DRD3: variants seen among roughly 807,000 people sequenced by gnomAD.
DRD3 encodes the protein D(3) dopamine receptor.
Under a neutral mutation model 36.3 loss-of-function variants are expected in DRD3, and 19 were observed. The ratio of observed to expected loss-of-function variants is 0.52; its 90% CI spans 0.36 to 0.77. The LOEUF (loss-of-function observed/expected upper bound fraction) is 0.77, where lower values mean the gene tolerates loss of function less well. DRD3 is among the 30% of genes least tolerant of loss of function. The pLI, the probability that DRD3 is intolerant of heterozygous loss-of-function variation, is 0.00. For synonymous variants in DRD3, 195 were observed against 203.7 expected, an observed-to-expected ratio of 0.96 and a Z score of 0.36; for missense variants, 465 against 505.3, an observed-to-expected ratio of 0.92 and a Z score of 0.77.
chr3:114,161,615 A>T, intron 2 of DRD3, among the ~76,000 whole-genome samples: 1 of 152,206 alleles, frequency 6.6e-6, no homozygotes, highest in East Asian at 1.9e-4. Context: ...CCAGTTATGG[A>T]TTTACTGTCT....
At chr3:114,177,377 T>C (rs1175802030) in intron 1 of DRD3, among the ~76,000 whole-genome samples, 1 of 152,218 alleles carries the variant, frequency 6.6e-6, no homozygotes, top group Non-Finnish European at 1.5e-5. Flanking sequence ...AAACTATTGC[T>C]GGTTACTGAG....
chr3:114,171,686 C>G, intron 2 of DRD3, 37 bp downstream of exon 2: 2 of 1,514,846 alleles, frequency 1.3e-6, no homozygotes, highest in Non-Finnish European at 1.8e-6. Context: ...AGTACTAGCA[C>G]AGTCATAGAG....
At chr3:114,160,478 A>T (rs75356587) in intron 2 of DRD3, among the ~76,000 whole-genome samples, 1,562 of 152,266 alleles carry the variant, frequency 0.01, 23 homozygotes, top group African/African-American at 0.036. Flanking sequence ...TTGAAATTCA[A>T]ACTCAGGAGG....
At chr3:114,138,796 A>T (rs1577585108) in intron 5 of DRD3, among the ~76,000 whole-genome samples, 1 of 152,152 alleles carries the variant, frequency 6.6e-6, no homozygotes, top group Non-Finnish European at 1.5e-5. Flanking sequence ...GCTTTTCTAG[A>T]TTCTAAGCTC....
rs866628456 is a variant in DRD3, at chr3:114,156,789, T to C, written c.383+2966A>G. ...TTTCTTTCTTTCTTTCTTTCTTTCT[T>C]TCTTTCTTTCTCTTTTCTTTTTCTT... On this transcript the variant is annotated intron_variant, in intron 3 of 6. Coordinates refer to ENST00000383673, the MANE Select transcript of DRD3 (RefSeq NM_000796.6). Among the ~76,000 whole-genome samples the C allele has an allele frequency of 1.1e-3, 146 of 135,556 alleles. 2 individuals are homozygous for C. The highest frequency in any genetic ancestry group is 3.8e-3 in the African/African-American group (137 of 35,764). The allele number at this position is 135,556 out of a possible 152,430, so 88.9% of individuals were successfully genotyped here.
intron 4 of DRD3, among the ~76,000 whole-genome samples, chr3:114,144,056 A>G (rs1408965387): frequency 1.1e-4 from 16 of 152,212 alleles, no homozygotes; most frequent in Admixed American, 1.0e-3. Context: ...TGATGATGTG[A>G]TATTTGCCTA....
chr3:114,196,851 A>G (rs969407312), intron 1 of DRD3, among the ~76,000 whole-genome samples: 2 of 152,072 alleles, frequency 1.3e-5, no homozygotes, highest in African/African-American at 4.8e-5. Context: ...TTGAGTTTTG[A>G]GAGTCCATTA....
At chr3:114,144,416 G>A (rs933418630) in intron 4 of DRD3, among the ~76,000 whole-genome samples, 7 of 152,170 alleles carry the variant, frequency 4.6e-5, no homozygotes, top group Admixed American at 2.0e-4. Flanking sequence ...TGACTGAGAA[G>A]AGTCCTTTAT....
At chr3:114,162,959 TG>T (rs2077747615) in intron 2 of DRD3, among the ~76,000 whole-genome samples, 1 of 152,216 alleles carries the variant, frequency 6.6e-6, no homozygotes, top group African/African-American at 2.4e-5. Context: ...GTGCTGCCTT[TG>T]GGGTTGGTGA....
At chr3:114,142,910 G>A (rs989269236) in intron 4 of DRD3, among the ~76,000 whole-genome samples, 2 of 152,184 alleles carry the variant, frequency 1.3e-5, no homozygotes, top group African/African-American at 4.8e-5. Flanking sequence ...TGTCCCCATT[G>A]CAGGCAGAGT....
At chr3:114,184,685 C>T (rs1275127956) in intron 1 of DRD3, among the ~76,000 whole-genome samples, 1 of 139,250 alleles carries the variant, frequency 7.2e-6, no homozygotes, top group Non-Finnish European at 1.6e-5. Flanking sequence ...GCTTCAGTCC[C>T]CCAAGTAGCT....
intron 1 of DRD3, among the ~76,000 whole-genome samples, chr3:114,190,331 G>A (rs2077997510): frequency 6.8e-6 from 1 of 146,264 alleles, no homozygotes; most frequent in Non-Finnish European, 1.5e-5. Flanking sequence ...CTATAAGCAT[G>A]TCCTCAGTGA....
chr3:114,143,237 T>C (rs953722036), intron 4 of DRD3, among the ~76,000 whole-genome samples: 2 of 152,188 alleles, frequency 1.3e-5, no homozygotes, highest in African/African-American at 2.4e-5. Context: ...TATAAACACA[T>C]GAGCACTCAC....
chr3:114,152,820 G>C (rs1056631166), intron 3 of DRD3, among the ~76,000 whole-genome samples: 1 of 152,242 alleles, frequency 6.6e-6, no homozygotes, highest in Admixed American at 6.5e-5. Context: ...GACTGCAGGC[G>C]AGGGCCGCGC....
intron 5 of DRD3, among the ~76,000 whole-genome samples, chr3:114,133,931 T>C (rs56087035): frequency 0.061 from 9,302 of 152,224 alleles, 643 homozygotes; most frequent in African/African-American, 0.17. Context: ...GAACTGGAAC[T>C]TGTGAAGCAG....
In DRD3 at chr3:114,139,656, G is replaced by C; in HGVS notation, c.567C>G (p.Val189=). The part of the protein sequence containing the change: ...TVCSISNPDF[V]IYSSVVSFYL... ...AGAAGGACACCACTGAAGAGTAGAT[G>C]ACAAAATCAGGGTTGGAGATGGAGC... is the stretch of plus-strand genomic sequence containing the variant. The change falls in exon 5 of 7, where the codon GTC becomes GTG. Residue 189 remains valine, a synonymous_variant. Coordinates refer to ENST00000383673, the MANE Select transcript of DRD3 (RefSeq NM_000796.6). 1 of 1,614,162 alleles carries C rather than the reference G, an allele frequency of 6.2e-7. No individual in the cohort carries two copies. The highest frequency in any genetic ancestry group is 1.1e-5 in the South Asian group (1 of 91,072).
At chr3:114,191,673 T>C (rs1217314890) in intron 1 of DRD3, among the ~76,000 whole-genome samples, 1 of 152,044 alleles carries the variant, frequency 6.6e-6, no homozygotes, top group Non-Finnish European at 1.5e-5. Context: ...CAGAAGCAAG[T>C]TGGCGGCTCC....
At chr3:114,167,157 T>G (rs1370419515) in intron 2 of DRD3, among the ~76,000 whole-genome samples, 1 of 152,244 alleles carries the variant, frequency 6.6e-6, no homozygotes, top group Non-Finnish European at 1.5e-5. Flanking sequence ...GAACTCATCC[T>G]ATTCTATCTT....
Position 114,159,871 on chromosome 3 carries a change from G to T in DRD3, c.271-4C>A, listed in dbSNP as rs752349435. ...AATTCCAGACTCCACCTGTCACCTG[G>T]GTATCAGAGACAAGGATGTTAGTGT... is the stretch of plus-strand genomic sequence containing the variant. On this transcript the variant is annotated splice_polypyrimidine_tract_variant and splice_region_variant and intron_variant, in intron 2 of 6. Coordinates refer to ENST00000383673, the MANE Select transcript of DRD3 (RefSeq NM_000796.6). The T allele has an allele frequency of 2.5e-6, 4 of 1,613,230 alleles. No homozygotes were observed. Among genetic ancestry groups the T allele is most frequent in the Non-Finnish European group, 3.4e-6 (4 of 1,179,236 alleles).
Sources: allele counts gnomAD v4.1 joint callset (sites outside exome capture counted in the v4.1 genomes callset), GRCh38; gene constraint gnomAD v4.1.1; transcripts MANE v1.5; gene names NCBI Gene and HGNC (gene_info 2026-07-23, HGNC 2026-07-21).